Variants in FRMPD4 observed in about 807,000 individuals in gnomAD.
The protein encoded by FRMPD4 is FERM and PDZ domain containing 4.
FRMPD4 carries 22 observed loss-of-function variants against 94.1 expected under a neutral mutation model. That is an observed-to-expected ratio of 0.23 (90% confidence interval 0.17 to 0.33). The LOEUF (loss-of-function observed/expected upper bound fraction) is 0.33, where lower values mean the gene tolerates loss of function less well. FRMPD4 is among the 10% of genes least tolerant of loss of function. The pLI is 1.00. For synonymous variants in FRMPD4, 631 were observed against 548.6 expected, an observed-to-expected ratio of 1.15 and a Z score of -2.10; for missense variants, 1,111 against 1,339.9, an observed-to-expected ratio of 0.83 and a Z score of 2.67.
At position 12,553,431 on chromosome X, in the gene FRMPD4, TG is replaced by T. The variant is rs1455351155; in HGVS notation, c.158+54636del. Among the ~76,000 whole-genome samples, 369 of 62,744 alleles carry T rather than the reference TG, an allele frequency of 5.9e-3. 11 individuals are homozygous for T. Among genetic ancestry groups the T allele is most frequent in the Admixed American group, 0.053 (288 of 5,453 alleles). The allele number at this position is 62,744 out of a possible 115,157, so 54.5% of individuals were successfully genotyped here. ...ACTAGTTTTGTGAGATCTATCCATATGCCTATATATATATATATATATATAT... is the reference window on the plus strand; with the variant it reads ...ACTAGTTTTGTGAGATCTATCCATATCCTATATATATATATATATATATAT... On this transcript the variant is annotated intron_variant, in intron 2 of 16. Transcript: ENST00000675598.
intron 11 of FRMPD4, among the ~76,000 whole-genome samples, chrX:12,706,136 T>A (rs1307518350): frequency 4.5e-5 from 5 of 111,245 alleles, no homozygotes; most frequent in African/African-American, 1.6e-4. Context: ...GGATCCTACA[T>A]TTTTAAGTCT....
At chrX:12,570,490 G>C (rs569711755) in intron 2 of FRMPD4, among the ~76,000 whole-genome samples, 1 of 109,997 alleles carries the variant, frequency 9.1e-6, no homozygotes, top group South Asian at 4.0e-4. Context: ...ATTTTTAGTA[G>C]AGATGGGGTT....
chrX:12,694,570 A>G, intron 9 of FRMPD4, 116 bp downstream of exon 9: 1 of 509,476 alleles, frequency 2.0e-6, no homozygotes, highest in Non-Finnish European at 3.4e-6. Flanking sequence ...CCTCAAGCTC[A>G]GTGAATCGTA....
intron 1 of FRMPD4, among the ~76,000 whole-genome samples, chrX:12,430,899 A>T (rs2057003119): frequency 8.9e-6 from 1 of 112,643 alleles, no homozygotes; most frequent in South Asian, 3.6e-4. Flanking sequence ...TCTCGGAAGC[A>T]TCTGACTCTG....
chrX:12,665,311 GTGGGCATC>G (rs1287060188), intron 4 of FRMPD4, among the ~76,000 whole-genome samples: 3 of 111,249 alleles, frequency 2.7e-5, no homozygotes, highest in Non-Finnish European at 5.7e-5. Context: ...GGGCATGGTG[GTGGGCATC>G]TGTAGTCCCA....
intron 2 of FRMPD4, among the ~76,000 whole-genome samples, chrX:12,499,317 C>G: frequency 8.9e-6 from 1 of 111,906 alleles, no homozygotes; most frequent in South Asian, 3.8e-4. Flanking sequence ...TTGTGGTGCT[C>G]TGGTTTTTTG....
intron 2 of FRMPD4, among the ~76,000 whole-genome samples, chrX:12,511,883 A>C (rs2058046576): frequency 8.9e-6 from 1 of 112,650 alleles, no homozygotes; most frequent in Admixed American, 9.4e-5. Context: ...AGAATCTTGA[A>C]AGCAGCGAGA....
At chrX:12,571,759 G>T (rs1479223385) in intron 2 of FRMPD4, among the ~76,000 whole-genome samples, 1 of 111,958 alleles carries the variant, frequency 8.9e-6, no homozygotes, top group Non-Finnish European at 1.9e-5. Flanking sequence ...ACTTTGAAAA[G>T]GAGTATCCTA....
chrX:12,053,005 A>G (rs950038493), intron 3 of FRMPD4, among the ~76,000 whole-genome samples: 3 of 111,045 alleles, frequency 2.7e-5, no homozygotes, highest in Admixed American at 1.9e-4. Flanking sequence ...AAATTATGAC[A>G]TATTGCAAGA....
chrX:12,596,109 G>C (rs2059028339), intron 2 of FRMPD4, among the ~76,000 whole-genome samples: 1 of 111,451 alleles, frequency 9.0e-6, no homozygotes, highest in African/African-American at 3.3e-5. Flanking sequence ...GCAAATTACA[G>C]GCTATATGAG....
rs1298528636 is a variant in FRMPD4 at position 12,247,539 on chromosome X, A to G, written c.41+108527A>G. Among the ~76,000 whole-genome samples, 20 of 111,781 alleles carry G rather than the reference A, an allele frequency of 1.8e-4. No homozygotes were observed. In the Admixed American group the frequency reaches 1.9e-3, roughly 11 times the overall value. On this transcript the variant is annotated intron_variant, in intron 1 of 16. Transcript: ENST00000675598. ...TCAGGGGATAAACTCAGACCAGCATATGTGCATTTTATTTTTTTGTTTTTT... is the reference window on the plus strand; with the variant it reads ...TCAGGGGATAAACTCAGACCAGCATGTGTGCATTTTATTTTTTTGTTTTTT...
At chrX:11,924,506 T>C (rs987711090) in intron 3 of FRMPD4, among the ~76,000 whole-genome samples, 3 of 111,331 alleles carry the variant, frequency 2.7e-5, no homozygotes, top group African/African-American at 9.8e-5. Flanking sequence ...GGCAGCTAGA[T>C]AAAAAGGTCA....
intron 1 of FRMPD4, among the ~76,000 whole-genome samples, chrX:12,175,221 A>T (rs1172880383): frequency 8.9e-6 from 1 of 112,275 alleles, no homozygotes; most frequent in Admixed American, 9.4e-5. Context: ...CAGAGAATGG[A>T]GGGCAAGGAA....
chrX:12,317,609 A>C (rs1294704664), intron 1 of FRMPD4, among the ~76,000 whole-genome samples: 11 of 105,728 alleles, frequency 1.0e-4, no homozygotes, highest in African/African-American at 4.2e-4. Context: ...AAAAACAAAA[A>C]AAACAAAAAC....
At chrX:12,278,628 C>T (rs985202842) in intron 1 of FRMPD4, among the ~76,000 whole-genome samples, 14 of 112,438 alleles carry the variant, frequency 1.2e-4, no homozygotes, top group Admixed American at 9.4e-4. Context: ...TTTTCTATTA[C>T]TCAGATGACT....
chrX:11,953,575 A>G (rs2054237743), intron 3 of FRMPD4, among the ~76,000 whole-genome samples: 1 of 111,742 alleles, frequency 8.9e-6, no homozygotes, highest in African/African-American at 3.3e-5. Flanking sequence ...GCATATGGGG[A>G]GAGAACTTTG....
intron 3 of FRMPD4, among the ~76,000 whole-genome samples, chrX:12,121,106 T>A (rs1214542082): frequency 2.1e-4 from 23 of 108,898 alleles, no homozygotes; most frequent in African/African-American, 7.5e-4. Flanking sequence ...TTTATAATAC[T>A]ACTACTAATA....
At chrX:12,101,081 C>T (rs986907989) in intron 3 of FRMPD4, among the ~76,000 whole-genome samples, 3 of 112,046 alleles carry the variant, frequency 2.7e-5, no homozygotes, top group Non-Finnish European at 5.6e-5. Flanking sequence ...TTTGTATGGT[C>T]GTTGGCATGT....
chrX:12,697,874 A>T (rs954836321), intron 9 of FRMPD4, among the ~76,000 whole-genome samples: 1 of 112,310 alleles, frequency 8.9e-6, no homozygotes, highest in Non-Finnish European at 1.9e-5. Context: ...TAGGCAATAA[A>T]GACCAAAATA....
Sources: allele counts gnomAD v4.1 joint callset (sites outside exome capture counted in the v4.1 genomes callset), GRCh38; gene constraint gnomAD v4.1.1; transcripts MANE v1.5; gene names NCBI Gene and HGNC (gene_info 2026-07-23, HGNC 2026-07-21).